The following HDAC9 variants were observed in gnomAD, a reference collection of about 807,000 sequenced individuals.
HDAC9 encodes the protein histone deacetylase 9.
In HDAC9, 41 loss-of-function variants were observed where a neutral mutation model predicts 139.4. That is an observed-to-expected ratio of 0.29 (90% CI 0.23 to 0.38). HDAC9 has a LOEUF of 0.38. Ranked by LOEUF, HDAC9 falls within the 10% of genes least tolerant of loss-of-function variation. The pLI, the probability that HDAC9 is intolerant of heterozygous loss-of-function variation, is 1.00. For synonymous variants in HDAC9, 517 were observed against 476.2 expected (o/e 1.09, Z -1.12); for missense variants, 1,147 against 1,297.0 (o/e 0.88, Z 1.78).
intron 14 of HDAC9, among the ~76,000 whole-genome samples, chr7:18,755,718 A>G (rs1788815956): frequency 6.6e-6 from 1 of 152,088 alleles, no homozygotes; most frequent in Non-Finnish European, 1.5e-5. Context: ...AAAAAAATAG[A>G]GAGTATATAT....
At chr7:18,392,538 A>G (rs776502205) in intron 1 of HDAC9, among the ~76,000 whole-genome samples, 6 of 152,072 alleles carry the variant, frequency 3.9e-5, no homozygotes, top group Non-Finnish European at 5.9e-5. Context: ...TATAATTATT[A>G]TAATTATTAG....
chr7:18,826,751 T>A (rs1443567955), intron 17 of HDAC9, among the ~76,000 whole-genome samples: 8 of 151,912 alleles, frequency 5.3e-5, no homozygotes, highest in Non-Finnish European at 1.2e-4. Flanking sequence ...AGAGTCAGGT[T>A]GACTTTCTTC....
At chr7:18,584,595 C>T (rs1828882308) in intron 2 of HDAC9, among the ~76,000 whole-genome samples, 1 of 152,118 alleles carries the variant, frequency 6.6e-6, no homozygotes, top group Admixed American at 6.5e-5. Context: ...TTTCCTCATA[C>T]TTTTTCCACC....
At chr7:18,831,483 T>C (rs1011605280) in intron 19 of HDAC9, among the ~76,000 whole-genome samples, 2 of 152,200 alleles carry the variant, frequency 1.3e-5, no homozygotes, top group African/African-American at 4.8e-5. Flanking sequence ...ATTTGCTCCA[T>C]TATCCAATCA....
At chr7:18,757,974 A>T (rs1400553945) in intron 14 of HDAC9, among the ~76,000 whole-genome samples, 2 of 152,206 alleles carry the variant, frequency 1.3e-5, no homozygotes, top group Non-Finnish European at 2.9e-5. Context: ...TCTGAACTAA[A>T]CATGATCATA....
intron 2 of HDAC9, among the ~76,000 whole-genome samples, chr7:18,558,382 A>C (rs745409963): frequency 1.6e-4 from 25 of 152,186 alleles, no homozygotes; most frequent in Non-Finnish European, 3.5e-4. Context: ...TGCTATCTCA[A>C]GGTCTTTGTT....
At chr7:18,703,732 C>T (rs1487033047) in intron 12 of HDAC9, among the ~76,000 whole-genome samples, 2 of 145,802 alleles carry the variant, frequency 1.4e-5, no homozygotes, top group Non-Finnish European at 3.0e-5. Flanking sequence ...ATGATATTTC[C>T]CCCTCTCCTT....
chr7:18,658,899 C>CAAAAAAAAAAAAAAAAACAAAAA (rs11306117), intron 11 of HDAC9, among the ~76,000 whole-genome samples: 1 of 118,158 alleles, frequency 8.5e-6, no homozygotes, highest in African/African-American at 2.8e-5. Flanking sequence ...AAAAAAAAAG[C>CAAAAAAAAAAAAAAAAACAAAAA]AAAAAAAAAA....
At chr7:18,702,951 T>C (rs998529688) in intron 12 of HDAC9, among the ~76,000 whole-genome samples, 25 of 152,334 alleles carry the variant, frequency 1.6e-4, no homozygotes, top group Non-Finnish European at 3.7e-4. Flanking sequence ...ACTGTTTCCA[T>C]TTGAATGACA....
At chr7:18,149,635 T>C (rs1440644687) in intron 1 of HDAC9, among the ~76,000 whole-genome samples, 1 of 151,868 alleles carries the variant, frequency 6.6e-6, no homozygotes, top group Non-Finnish European at 1.5e-5. Flanking sequence ...ACTGCAGGCT[T>C]CGCCTCCCGG....
intron 24 of HDAC9, among the ~76,000 whole-genome samples, chr7:18,956,458 A>G (rs1783155308): frequency 6.6e-6 from 1 of 152,116 alleles, no homozygotes; most frequent in Admixed American, 6.6e-5. Context: ...GGAAGGGTTG[A>G]CAGCAGGTGT....
At chr7:18,924,509 G>A (rs975254083) in intron 22 of HDAC9, among the ~76,000 whole-genome samples, 1 of 152,060 alleles carries the variant, frequency 6.6e-6, no homozygotes, top group African/African-American at 2.4e-5. Flanking sequence ...AGGTATTTTG[G>A]TCTTGAAATT....
At chr7:18,778,855 T>C (rs1022292070) in intron 16 of HDAC9, among the ~76,000 whole-genome samples, 4 of 151,970 alleles carry the variant, frequency 2.6e-5, no homozygotes, top group Non-Finnish European at 5.9e-5. Context: ...AGATAAAGAG[T>C]GACTAGAAAT....
intron 2 of HDAC9, among the ~76,000 whole-genome samples, chr7:18,562,118 A>C (rs562536293): frequency 6.6e-6 from 1 of 152,250 alleles, no homozygotes; most frequent in South Asian, 2.1e-4. Flanking sequence ...CTTATTGGCT[A>C]TTTGTATATC....
chr7:18,318,048 C>T (rs184496914), intron 1 of HDAC9, among the ~76,000 whole-genome samples: 14 of 152,190 alleles, frequency 9.2e-5, no homozygotes, highest in Non-Finnish European at 1.5e-4. Flanking sequence ...TTTTTGATGA[C>T]ATGTGCTTGC....
At chr7:18,991,440 A>G (rs1262286701) in intron 25 of HDAC9, among the ~76,000 whole-genome samples, 1 of 152,190 alleles carries the variant, frequency 6.6e-6, no homozygotes, top group African/African-American at 2.4e-5. Flanking sequence ...GATCAAGACC[A>G]TCCTGGCTAA....
intron 14 of HDAC9, among the ~76,000 whole-genome samples, chr7:18,761,651 T>A (rs1789401373): frequency 6.6e-6 from 1 of 152,140 alleles, no homozygotes; most frequent in African/African-American, 2.4e-5. Flanking sequence ...TTGAGGAACA[T>A]TGGTTTTAAC....
intron 1 of HDAC9, among the ~76,000 whole-genome samples, chr7:18,467,655 C>G (rs1177742682): frequency 1.3e-5 from 2 of 152,108 alleles, no homozygotes; most frequent in African/African-American, 4.8e-5. Context: ...ATATTACAGT[C>G]CCCATATATT....
chr7:18,905,014 T>G (rs1331920827), intron 22 of HDAC9, among the ~76,000 whole-genome samples: 2 of 152,160 alleles, frequency 1.3e-5, no homozygotes, highest in African/African-American at 4.8e-5. Context: ...TTCTACTGCT[T>G]TAGCCTCCTG....
Sources: allele counts gnomAD v4.1 joint callset (sites outside exome capture counted in the v4.1 genomes callset), GRCh38; gene constraint gnomAD v4.1.1; transcripts MANE v1.5; gene names NCBI Gene and HGNC (gene_info 2026-07-23, HGNC 2026-07-21).